ARHGEF10: variants seen among roughly 807,000 people sequenced by gnomAD.
ARHGEF10 encodes Rho guanine nucleotide exchange factor (GEF) 10.
ARHGEF10 carries 140 observed loss-of-function variants against 147.4 expected under a neutral mutation model. The observed-to-expected ratio is 0.95, with a 90% CI of 0.83 to 1.09. The LOEUF is 1.09. Ranked by LOEUF, ARHGEF10 falls within the 50% of genes least tolerant of loss-of-function variation. The probability of loss-of-function intolerance (pLI) is 0.00; values close to 1 mark genes in which losing one functional copy is unlikely to be tolerated. For synonymous variants in ARHGEF10, 902 were observed against 695.8 expected (o/e 1.30, Z -4.67); for missense variants, 2,222 against 1,752.7 (o/e 1.27, Z -4.78).
chr8:1,871,593 G>C (rs917356394), intron 7 of ARHGEF10, among the ~76,000 whole-genome samples: 3 of 152,172 alleles, frequency 2.0e-5, no homozygotes, highest in Non-Finnish European at 1.5e-5. Context: ...GCCGAGCCGG[G>C]TGGATCATGA....
intron 17 of ARHGEF10, among the ~76,000 whole-genome samples, chr8:1,908,944 A>C (rs1363648977): frequency 6.6e-5 from 10 of 152,216 alleles, no homozygotes; most frequent in Non-Finnish European, 1.5e-5. Context: ...GCCAGAGAAT[A>C]TCTCTATCCA....
chr8:1,832,389 C>T (rs1803180841), intron 1 of ARHGEF10, among the ~76,000 whole-genome samples: 2 of 42,792 alleles, frequency 4.7e-5, no homozygotes, highest in South Asian at 1.6e-3. Context: ...GAGGCAGAGG[C>T]AGAGACAGAG....
chr8:1,888,838 A>AGGGTTTGTGAGGAGACACTGAG (rs1809072450), intron 11 of ARHGEF10, among the ~76,000 whole-genome samples: 1 of 32,172 alleles, frequency 3.1e-5, no homozygotes, highest in Non-Finnish European at 5.0e-5. Flanking sequence ...GAGACACTGA[A>AGGGTTTGTGAGGAGACACTGAG]TAGGGTGAGG....
Position 1,925,397 on chromosome 8 carries a change from A to C in ARHGEF10, c.2603A>C (p.Glu868Ala). 6.2e-7 allele frequency: 1 copy of C among 1,614,080 alleles called. No individual in the cohort carries two copies. The highest frequency in any genetic ancestry group is 1.1e-5 in the South Asian group (1 of 91,076). The change falls in exon 22 of 29, where the codon GAG becomes GCG. Residue 868 changes from glutamate to alanine, a missense_variant. Transcript: ENST00000349830. The stretch of plus-strand genomic sequence containing the variant: ...CCCGTGATGGTGGCCAAGCAGCAGG[A>C]GTTCAAGGTGAAGGGAGGCAGGGCC... ...HMPVMVAKQQEFKIECAAYNP... is the reference protein window; with the variant it reads ...HMPVMVAKQQAFKIECAAYNP...
intron 26 of ARHGEF10, among the ~76,000 whole-genome samples, chr8:1,939,547 G>A (rs545772489): frequency 9.2e-5 from 14 of 152,356 alleles, no homozygotes; most frequent in African/African-American, 2.9e-4. Flanking sequence ...GTTTCACGAC[G>A]GCAGCAGCAA....
rs372309933 is a variant in ARHGEF10, at chr8:1,882,664, C to A, written c.990C>A (p.Asp330Glu). ...KMQKLVKAAKDGTKDGLERTR... is the reference protein window; with the variant it reads ...KMQKLVKAAKEGTKDGLERTR... ...AGAAGCTCGTGAAGGCCGCGAAGGA[C>A]GGCACCAAGGACGGGCTGGAGAGGA... The change falls in exon 10 of 29, where the codon GAC becomes GAA. Residue 330 changes from aspartate (D) to glutamate (E), a missense_variant. Transcript: ENST00000349830. 6 of 1,555,688 alleles carry A rather than the reference C, an allele frequency of 3.9e-6. No homozygotes were observed. Among genetic ancestry groups the A allele is most frequent in the Middle Eastern group, 1.7e-4 (1 of 5,996 alleles).
chr8:1,860,263 T>G, intron 4 of ARHGEF10, 79 bp downstream of exon 4: 3 of 1,465,170 alleles, frequency 2.0e-6, no homozygotes, highest in Non-Finnish European at 2.8e-6. Context: ...GGCCTGTGGT[T>G]CCCTCCTCTG....
At chr8:1,869,101 C>G in intron 6 of ARHGEF10, 93 bp from the exon 7 acceptor site, 1 of 1,169,248 alleles carries the variant, frequency 8.6e-7, no homozygotes, top group Non-Finnish European at 1.3e-6. Flanking sequence ...TTTGAATAAT[C>G]ATGACATCAT....
intron 1 of ARHGEF10, among the ~76,000 whole-genome samples, chr8:1,837,798 A>AT (rs1490358329): frequency 6.6e-6 from 1 of 152,142 alleles, no homozygotes; most frequent in African/African-American, 2.4e-5. Context: ...GCTGCGTCGT[A>AT]TTACTAATGT....
At chr8:1,895,211 C>G (rs1189037406) in intron 13 of ARHGEF10, among the ~76,000 whole-genome samples, 1 of 152,116 alleles carries the variant, frequency 6.6e-6, no homozygotes, top group African/African-American at 2.4e-5. Context: ...CTGGCAGTTT[C>G]GAGTCATTTT....
intron 11 of ARHGEF10, among the ~76,000 whole-genome samples, chr8:1,886,914 G>C (rs1808709529): frequency 6.6e-6 from 1 of 152,164 alleles, no homozygotes; most frequent in African/African-American, 2.4e-5. Flanking sequence ...GCTGCCACAC[G>C]TCCAGGGGGG....
intron 4 of ARHGEF10, among the ~76,000 whole-genome samples, chr8:1,860,929 C>T (rs1806077564): frequency 6.6e-6 from 1 of 152,206 alleles, no homozygotes; most frequent in Non-Finnish European, 1.5e-5. Flanking sequence ...CTGTTTCCCA[C>T]TCATGCTTTT....
At chr8:1,900,839 C>G (rs1810394542) in intron 15 of ARHGEF10, among the ~76,000 whole-genome samples, 1 of 152,132 alleles carries the variant, frequency 6.6e-6, no homozygotes, top group African/African-American at 2.4e-5. Context: ...CTCTCCCCGT[C>G]CTCCTCCCTC....
rs1384493657 is a variant in ARHGEF10 at position 1,889,375 on chromosome 8, ATGTGAGGAGACAGTGATGTGAGGCATC to A, written c.1182+3681_1182+3707del. 1.1e-3 allele frequency among the ~76,000 whole-genome samples: 83 copies of A among 75,734 alleles called. 10 individuals carry two copies. The highest frequency in any genetic ancestry group is 3.1e-3 in the Admixed American group (24 of 7,796). The allele number at this position is 75,734 out of a possible 152,430, so 49.7% of individuals were successfully genotyped here. ...GGAGACACTGAGTGGGGTGAGGGGT[ATGTGAGGAGACAGTGATGTGAGGCATC>A]TGTGAGGAGACACTGAGTGGGGTGA... On this transcript the variant is annotated intron_variant, in intron 11 of 28. Transcript: ENST00000349830.
intron 11 of ARHGEF10, among the ~76,000 whole-genome samples, chr8:1,888,170 A>T: frequency 1.5e-5 from 1 of 65,150 alleles, no homozygotes; most frequent in South Asian, 3.9e-4. Context: ...TTGCGAGGAG[A>T]CAGTGAGTGG....
At chr8:1,953,921 C>T (rs943585201) in intron 28 of ARHGEF10, among the ~76,000 whole-genome samples, 8 of 152,284 alleles carry the variant, frequency 5.3e-5, no homozygotes, top group African/African-American at 1.7e-4. Flanking sequence ...GTGATTTCCT[C>T]CCAGGCCGAC....
chr8:1,864,965 A>G (rs187810566), intron 5 of ARHGEF10, among the ~76,000 whole-genome samples: 1 of 152,380 alleles, frequency 6.6e-6, no homozygotes, highest in East Asian at 1.9e-4. Context: ...TATTGTGAAA[A>G]ATATGTGCAT....
At chr8:1,938,569 T>G (rs1159570416) in intron 26 of ARHGEF10, among the ~76,000 whole-genome samples, 2 of 152,234 alleles carry the variant, frequency 1.3e-5, no homozygotes, top group Non-Finnish European at 2.9e-5. Flanking sequence ...ACATAGTGAT[T>G]TGCTGCAGCA....
At chr8:1,862,613 C>T (rs1433854743) in intron 4 of ARHGEF10, among the ~76,000 whole-genome samples, 3 of 152,190 alleles carry the variant, frequency 2.0e-5, no homozygotes, top group South Asian at 2.1e-4. Flanking sequence ...TGTGTGTGCT[C>T]TGGGGATGGG....
Sources: allele counts gnomAD v4.1 joint callset (sites outside exome capture counted in the v4.1 genomes callset), GRCh38; gene constraint gnomAD v4.1.1; transcripts MANE v1.5; gene names NCBI Gene and HGNC (gene_info 2026-07-23, HGNC 2026-07-21).